The following CPS1 variants were observed in gnomAD, a reference collection of about 807,000 sequenced individuals.
The protein encoded by CPS1 is carbamoyl-phosphate synthase [ammonia], mitochondrial.
CPS1 carries 109 observed loss-of-function variants against 174.6 expected under a neutral mutation model. The observed-to-expected ratio is 0.62, with a 90% confidence interval of 0.53 to 0.73. CPS1 has a LOEUF of 0.73. Among genes scored for constraint, CPS1 ranks in the 30% least tolerant of loss-of-function variants. The pLI is 0.00. For synonymous variants in CPS1, 637 were observed against 632.0 expected (o/e 1.01, Z -0.12); for missense variants, 1,689 against 1,821.9 (o/e 0.93, Z 1.33).
intron 1 of CPS1, among the ~76,000 whole-genome samples, chr2:210,541,475 C>T (rs973399661): frequency 8.5e-5 from 13 of 152,118 alleles, no homozygotes; most frequent in Admixed American, 6.5e-5. Flanking sequence ...AGCTGCAACT[C>T]GTTATCGGCT....
chr2:210,568,970 A>G (rs36071800), intron 1 of CPS1, among the ~76,000 whole-genome samples: 2 of 151,894 alleles, frequency 1.3e-5, no homozygotes, highest in South Asian at 2.1e-4. Context: ...TTTTTTTTCT[A>G]CTATAACTTT....
chr2:210,515,149 G>A (rs1244352460), intron 1 of CPS1, among the ~76,000 whole-genome samples: 1 of 151,162 alleles, frequency 6.6e-6, no homozygotes, highest in Non-Finnish European at 1.5e-5. Flanking sequence ...ATATTGGCCT[G>A]CATTTTGTTT....
chr2:210,664,541 G>C (rs1215674553), intron 33 of CPS1, among the ~76,000 whole-genome samples: 2 of 152,040 alleles, frequency 1.3e-5, no homozygotes, highest in East Asian at 3.9e-4. Flanking sequence ...GTTTCTCCAT[G>C]TGGGTCAGGC....
In CPS1 at chr2:210,677,082, T is replaced by C. The variant is rs771831155; in HGVS notation, c.4350T>C (p.Tyr1450=). ...ACACTAAATTTGTCCATGATAATTA[T>C]GTGATTCGGAGGACAGCTGTTGATA... The part of the protein sequence containing the change: ...NNNTKFVHDN[Y]VIRRTAVDSG... The change falls in exon 37 of 38, where the codon TAT becomes TAC. Residue 1450 remains tyrosine, a synonymous_variant. Transcript: ENST00000233072. 3 of 1,613,744 alleles carry C rather than the reference T, an allele frequency of 1.9e-6. No individual in the cohort carries two copies. Among genetic ancestry groups the C allele is most frequent in the Admixed American group, 3.3e-5 (2 of 60,012 alleles).
chr2:210,641,025 C>T (rs1023522545), intron 24 of CPS1, among the ~76,000 whole-genome samples: 91 of 152,162 alleles, frequency 6.0e-4, no homozygotes, highest in African/African-American at 1.7e-3. Flanking sequence ...TCTAAGATGG[C>T]GCCTTAAACC....
At position 210,664,572 on chromosome 2, in the gene CPS1, C is replaced by T. The variant is rs1442256230; in HGVS notation, c.4002+1375C>T. 5.3e-5 allele frequency among the ~76,000 whole-genome samples: 8 copies of T among 152,254 alleles called. No homozygotes were observed. The East Asian group carries it at 1.4e-3, about 26-fold the overall frequency. ...CAGGCTGGTCTCGAACTCCTGACCTCAGGTGATCCGCCCGCTACAGACATG... is the reference window on the plus strand; with the variant it reads ...CAGGCTGGTCTCGAACTCCTGACCTTAGGTGATCCGCCCGCTACAGACATG... On this transcript the variant is annotated intron_variant, in intron 33 of 37. Coordinates refer to ENST00000233072, the MANE Select transcript of CPS1 (RefSeq NM_001875.5).
rs542092781 is a variant in CPS1, at chr2:210,508,248, G to A, written c.3+30482G>A. On this transcript the variant is annotated intron_variant, in intron 1 of 38. Transcript: ENST00000430249. The stretch of plus-strand genomic sequence containing the variant: ...CTCACTCAAAACCACTCAACTACAC[G>A]GAAACTGAACAACCTGCTCCTGAGT... Among the ~76,000 whole-genome samples, 150 of 151,676 alleles carry A rather than the reference G, an allele frequency of 9.9e-4. 1 individual carries two copies. The highest frequency in any genetic ancestry group is 8.0e-4 in the Non-Finnish European group (54 of 67,912).
rs1698355072 is a variant in CPS1 at position 210,592,889 on chromosome 2, A to G, written c.1097A>G (p.His366Arg). 3 of 1,612,360 alleles carry G rather than the reference A, an allele frequency of 1.9e-6. No individual in the cohort carries two copies. Among genetic ancestry groups the G allele is most frequent in the Non-Finnish European group, 1.7e-6 (2 of 1,178,882 alleles). The change falls in exon 11 of 38, where the codon CAT (histidine) becomes CGT (arginine). Residue 366 changes from histidine (H) to arginine (R), a missense_variant. Coordinates refer to ENST00000233072, the MANE Select transcript of CPS1 (RefSeq NM_001875.5). ...VNDQTNEGIMHESKPFFAVQF... is the reference protein window; with the variant it reads ...VNDQTNEGIMRESKPFFAVQF... Reference sequence around the variant, plus strand: ...TTCTTATTCCTTTAGGGGATTATGCATGAGAGCAAACCCTTCTTCGCTGTG... The same window carrying G: ...TTCTTATTCCTTTAGGGGATTATGCGTGAGAGCAAACCCTTCTTCGCTGTG...
intron 25 of CPS1, among the ~76,000 whole-genome samples, chr2:210,645,286 T>G (rs1406796297): frequency 6.6e-6 from 1 of 152,114 alleles, no homozygotes; most frequent in Non-Finnish European, 1.5e-5. Flanking sequence ...TAGTCGTCAA[T>G]GATGAGAATT....
chr2:210,590,466 G>A (rs1698256372), intron 8 of CPS1, among the ~76,000 whole-genome samples: 1 of 151,996 alleles, frequency 6.6e-6, no homozygotes, highest in Non-Finnish European at 1.5e-5. Context: ...ATGTCCTTGA[G>A]TTAAAAGAAC....
At chr2:210,558,846 G>A (rs1442895314) in intron 1 of CPS1, among the ~76,000 whole-genome samples, 1 of 152,006 alleles carries the variant, frequency 6.6e-6, no homozygotes, top group Non-Finnish European at 1.5e-5. Context: ...TCAAGGGTCT[G>A]TCACAGTGCA....
rs76339784 is a variant in CPS1 at position 210,530,968 on chromosome 2, C to A, written c.4-25751C>A. Among the ~76,000 whole-genome samples, 416 of 151,968 alleles carry A rather than the reference C, an allele frequency of 2.7e-3. 3 individuals carry two copies. Among genetic ancestry groups the A allele is most frequent in the African/African-American group, 9.6e-3 (400 of 41,460 alleles). On this transcript the variant is annotated intron_variant, in intron 1 of 38. Transcript: ENST00000430249. Reference sequence around the variant, plus strand: ...CCTTAGTTAATATCAGAAAAATGTTCATGAGAAAGAAAACTTTAAAAAATC... The same window carrying A: ...CCTTAGTTAATATCAGAAAAATGTTAATGAGAAAGAAAACTTTAAAAAATC...
intron 1 of CPS1, among the ~76,000 whole-genome samples, chr2:210,498,032 A>C (rs1359687554): frequency 2.0e-5 from 3 of 151,358 alleles, no homozygotes; most frequent in Non-Finnish European, 4.4e-5. Context: ...CATTCCCATC[A>C]ACAGTGTATA....
intron 6 of CPS1, among the ~76,000 whole-genome samples, chr2:210,586,138 C>T (rs767705044): frequency 5.3e-5 from 8 of 151,688 alleles, no homozygotes; most frequent in Non-Finnish European, 1.2e-4. Context: ...GCTCCTGTCA[C>T]GTGAAAATGA....
At position 210,605,160 on chromosome 2, in the gene CPS1, T is replaced by G. The variant is rs1553512974; in HGVS notation, c.1895T>G (p.Ile632Arg). The G allele has an allele frequency of 1.9e-6, 3 of 1,612,108 alleles. No homozygotes were observed. The highest frequency in any genetic ancestry group is 2.5e-6 in the Non-Finnish European group (3 of 1,178,804). Reference sequence around the variant, plus strand: ...AAGTCAGTGACAGGTTGGAAAGAAATAGAATATGAAGTGGTTCGAGATGCT... The same window carrying G: ...AAGTCAGTGACAGGTTGGAAAGAAAGAGAATATGAAGTGGTTCGAGATGCT... ...VEKSVTGWKEIEYEVVRDADD... is the reference protein window; with the variant it reads ...VEKSVTGWKEREYEVVRDADD... The change falls in exon 17 of 38, where the codon ATA becomes AGA. Residue 632 changes from isoleucine (I) to arginine (R), a missense_variant. Coordinates refer to ENST00000233072, the MANE Select transcript of CPS1 (RefSeq NM_001875.5).
At chr2:210,509,931 C>T (rs1482878133) in intron 1 of CPS1, among the ~76,000 whole-genome samples, 6 of 152,068 alleles carry the variant, frequency 3.9e-5, no homozygotes, top group East Asian at 1.9e-4. Context: ...CAATCAATAT[C>T]GTGAAAATGG....
chr2:210,562,429 T>G (rs79438298), intron 1 of CPS1, among the ~76,000 whole-genome samples: 402 of 152,298 alleles, frequency 2.6e-3, no homozygotes, highest in Middle Eastern at 6.8e-3. Flanking sequence ...AGAAGTCTCA[T>G]GAAATATTTC....
At chr2:210,558,986 A>C (rs1174879215) in intron 1 of CPS1, among the ~76,000 whole-genome samples, 2 of 152,072 alleles carry the variant, frequency 1.3e-5, no homozygotes, top group Non-Finnish European at 2.9e-5. Context: ...AAGTTCTTGA[A>C]CTTCACAATA....
intron 1 of CPS1, among the ~76,000 whole-genome samples, chr2:210,496,368 T>A (rs1244133107): frequency 6.6e-6 from 1 of 152,214 alleles, no homozygotes. Context: ...GTTATCAGCA[T>A]TTCCTGCCTC....
Sources: gnomAD v4.1 joint callset for allele counts (sites outside exome capture counted in the v4.1 genomes callset) on GRCh38, gnomAD v4.1.1 for gene constraint, MANE v1.5 for transcripts, NCBI Gene and HGNC (gene_info 2026-07-23, HGNC 2026-07-21) for gene names.